Variants in CEP112 observed in about 807,000 individuals in gnomAD.
The protein encoded by CEP112 is centrosomal protein of 112 kDa.
A neutral mutation model predicts 153.0 loss-of-function variants in CEP112; 127 were observed. That is an observed-to-expected ratio of 0.83 (90% CI 0.72 to 0.96). The LOEUF (loss-of-function observed/expected upper bound fraction) is 0.96, where lower values mean the gene tolerates loss of function less well. Ranked by LOEUF, CEP112 falls within the 40% of genes least tolerant of loss-of-function variation. CEP112 has a pLI of 0.00. For synonymous variants in CEP112, 358 were observed against 374.4 expected, an observed-to-expected ratio of 0.96 and a Z score of 0.51; for missense variants, 1,089 against 1,101.2, an observed-to-expected ratio of 0.99 and a Z score of 0.16.
In CEP112 at chr17:65,641,055, A is replaced by G. The variant is rs1404715977; in HGVS notation, c.2708T>C (p.Ile903Thr). The G allele has an allele frequency of 6.3e-7, 1 of 1,584,538 alleles. No individual in the cohort carries two copies. The highest frequency in any genetic ancestry group is 2.2e-5 in the East Asian group (1 of 44,692). The stretch of plus-strand genomic sequence containing the variant: ...CAATTTTGTTTCATATTCTTGTCGT[A>G]TGTAAGTTATCTAAATTGGAAAAAA... ...ELESQEQITY[I>T]RQEYETKLKG... The change falls in exon 25 of 27, where the codon ATA becomes ACA. Residue 903 changes from isoleucine to threonine, a missense_variant. Physicochemically the swap from Ile to Thr is moderately conservative, Grantham distance 89 (BLOSUM62 -1). Transcript: ENST00000535342.
chr17:65,928,478 A>G (rs1239860966), intron 18 of CEP112, among the ~76,000 whole-genome samples: 1 of 152,264 alleles, frequency 6.6e-6, no homozygotes, highest in Admixed American at 6.5e-5. Context: ...AAATGTTTAT[A>G]GTAGCATTAT....
chr17:65,819,726 A>G (rs910787596), intron 21 of CEP112, among the ~76,000 whole-genome samples: 5 of 152,072 alleles, frequency 3.3e-5, no homozygotes, highest in Non-Finnish European at 7.4e-5. Flanking sequence ...CAATCTAATC[A>G]TAAACAAAGT....
At chr17:65,995,446 T>A (rs1355468937) in intron 17 of CEP112, among the ~76,000 whole-genome samples, 1 of 152,104 alleles carries the variant, frequency 6.6e-6, no homozygotes, top group Admixed American at 6.5e-5. Context: ...AGATAGCGGC[T>A]CCCTTGGCTG....
At chr17:66,182,879 CAAG>C (rs1472875007) in intron 2 of CEP112, among the ~76,000 whole-genome samples, 1 of 151,972 alleles carries the variant, frequency 6.6e-6, no homozygotes, top group Non-Finnish European at 1.5e-5. Context: ...GAAAAATTTG[CAAG>C]AAAAATTTCC....
intron 4 of CEP112, among the ~76,000 whole-genome samples, chr17:66,173,164 T>C (rs969753163): frequency 6.6e-6 from 1 of 152,006 alleles, no homozygotes; most frequent in African/African-American, 2.4e-5. Flanking sequence ...TTAACCCTAC[T>C]TAAAGGGGAA....
intron 21 of CEP112, among the ~76,000 whole-genome samples, chr17:65,789,164 T>C (rs2054453345): frequency 6.6e-6 from 1 of 152,182 alleles, no homozygotes; most frequent in Non-Finnish European, 1.5e-5. Context: ...TTCCTTCTCA[T>C]CTTAGTTAGT....
At chr17:65,776,975 C>T (rs1177181531) in intron 21 of CEP112, among the ~76,000 whole-genome samples, 1 of 152,076 alleles carries the variant, frequency 6.6e-6, no homozygotes, top group African/African-American at 2.4e-5. Context: ...CTAGTTGTTT[C>T]CATAACACCT....
chr17:65,679,129 C>CTTTTTTTTTTTTTTTTTTTTTTTTTTTT (rs57907674), intron 24 of CEP112, among the ~76,000 whole-genome samples: 1 of 31,630 alleles, frequency 3.2e-5, no homozygotes, highest in Non-Finnish European at 6.0e-5. Context: ...GTGGTTCAAG[C>CTTTTTTTTTTTTTTTTTTTTTTTTTTTT]TTTTTTTTTT....
At chr17:66,001,155 G>A (rs2145394280) in intron 17 of CEP112, among the ~76,000 whole-genome samples, 1 of 152,274 alleles carries the variant, frequency 6.6e-6, no homozygotes, top group African/African-American at 2.4e-5. Context: ...CCCGGCCTCA[G>A]GGAGACCTGA....
chr17:65,959,801 C>T (rs189397384), intron 18 of CEP112, among the ~76,000 whole-genome samples: 7 of 152,216 alleles, frequency 4.6e-5, no homozygotes, highest in Non-Finnish European at 7.3e-5. Context: ...GACTGCACAG[C>T]GGCCAGACCC....
rs34971943 is a variant in CEP112, at chr17:66,009,189, TTGTGTGTGTGTG to T, written c.1657-3432_1657-3421del. 4.5e-3 allele frequency among the ~76,000 whole-genome samples: 658 copies of T among 146,800 alleles called. 9 individuals carry two copies. Among genetic ancestry groups the T allele is most frequent in the Admixed American group, 0.026 (382 of 14,800 alleles). On this transcript the variant is annotated intron_variant, in intron 16 of 26. Transcript: ENST00000535342. ...ATCCTGGCCTACACTTGTTATCCCT[TTGTGTGTGTGTG>T]TGTGTGTGTGTGTGTGTGTGTGTGT...
chr17:65,714,690 G>C (rs1270121289), intron 23 of CEP112, among the ~76,000 whole-genome samples: 7 of 152,026 alleles, frequency 4.6e-5, no homozygotes, highest in Admixed American at 4.6e-4. Context: ...CAACAGTATT[G>C]TATTATTATT....
chr17:65,826,657 T>C (rs954528068), intron 21 of CEP112: 3 of 666,704 alleles, frequency 4.5e-6, no homozygotes, highest in Non-Finnish European at 6.0e-6. Flanking sequence ...GGCAACAGTA[T>C]GACGAAAGGT....
chr17:65,732,588 C>T (rs945202125), intron 23 of CEP112, among the ~76,000 whole-genome samples: 1 of 152,236 alleles, frequency 6.6e-6, no homozygotes, highest in Non-Finnish European at 1.5e-5. Flanking sequence ...TTCATCTACA[C>T]AGAAAATCTG....
At chr17:65,907,980 A>G (rs2060144570) in intron 19 of CEP112, among the ~76,000 whole-genome samples, 1 of 152,236 alleles carries the variant, frequency 6.6e-6, no homozygotes, top group South Asian at 2.1e-4. Flanking sequence ...AAAAGCAGAC[A>G]GAACCCACAA....
At chr17:65,986,568 G>C (rs560498637) in intron 17 of CEP112, among the ~76,000 whole-genome samples, 1 of 152,230 alleles carries the variant, frequency 6.6e-6, no homozygotes, top group South Asian at 2.1e-4. Flanking sequence ...AAATGATGTT[G>C]GTGTACTATA....
chr17:66,168,439 A>G (rs993435482), intron 4 of CEP112, among the ~76,000 whole-genome samples: 1 of 140,936 alleles, frequency 7.1e-6, no homozygotes, highest in Non-Finnish European at 1.6e-5. Flanking sequence ...ATATGTATAT[A>G]TATGTGTGTG....
At chr17:65,994,263 C>T (rs2063702933) in intron 17 of CEP112, among the ~76,000 whole-genome samples, 1 of 152,186 alleles carries the variant, frequency 6.6e-6, no homozygotes. Context: ...GTTAGGCTTT[C>T]ATTGAGTTGA....
At chr17:65,877,661 A>G (rs2058884518) in intron 20 of CEP112, among the ~76,000 whole-genome samples, 2 of 152,204 alleles carry the variant, frequency 1.3e-5, no homozygotes, top group Non-Finnish European at 2.9e-5. Flanking sequence ...ATGTAACACT[A>G]TGTAAAAACC....
Sources: allele counts gnomAD v4.1 joint callset (sites outside exome capture counted in the v4.1 genomes callset), GRCh38; gene constraint gnomAD v4.1.1; transcripts MANE v1.5; gene names NCBI Gene and HGNC (gene_info 2026-07-23, HGNC 2026-07-21).